Variants in WDR47 observed in about 807,000 individuals in gnomAD.
WDR47 encodes WD repeat-containing protein 47.
Under a neutral mutation model 97.2 loss-of-function variants are expected in WDR47, and 32 were observed. The ratio of observed to expected loss-of-function variants is 0.33; its 90% CI spans 0.25 to 0.44. The LOEUF (loss-of-function observed/expected upper bound fraction) is 0.44. Among genes scored for constraint, WDR47 ranks in the 20% least tolerant of loss-of-function variants. WDR47 has a pLI of 1.00. For synonymous variants in WDR47, 375 were observed against 373.5 expected, an observed-to-expected ratio of 1.00 and a Z score of -0.05; for missense variants, 782 against 1,102.3, an observed-to-expected ratio of 0.71 and a Z score of 4.11.
chr1:109,025,756 A>C (rs1369283213), intron 1 of WDR47, among the ~76,000 whole-genome samples: 1 of 152,036 alleles, frequency 6.6e-6, no homozygotes, highest in African/African-American at 2.4e-5. Flanking sequence ...AAAAACTAAC[A>C]AATAAAAAAA....
At chr1:109,040,228 A>AAAG (rs1183391204) in intron 1 of WDR47, among the ~76,000 whole-genome samples, 5 of 152,132 alleles carry the variant, frequency 3.3e-5, no homozygotes, top group African/African-American at 1.2e-4. Flanking sequence ...AGGTAATCTG[A>AAAG]TTTTTCAGCT....
intron 1 of WDR47, among the ~76,000 whole-genome samples, chr1:109,034,494 G>C (rs900508007): frequency 7.9e-5 from 12 of 152,160 alleles, no homozygotes; most frequent in African/African-American, 2.7e-4. Context: ...CAACCCCCAG[G>C]ACACAGACCA....
At chr1:108,995,892 A>G in intron 7 of WDR47, 55 bp from the exon 8 acceptor site, 1 of 1,549,880 alleles carries the variant, frequency 6.5e-7, no homozygotes, top group Middle Eastern at 1.7e-4. Flanking sequence ...TGCATTCCTA[A>G]TATATACAAG....
chr1:109,032,895 C>CAAAAAA (rs1048806214), intron 1 of WDR47, among the ~76,000 whole-genome samples: 4 of 137,506 alleles, frequency 2.9e-5, no homozygotes, highest in African/African-American at 1.1e-4. Flanking sequence ...ACACTCTGTC[C>CAAAAAA]AAAAAAAAAA....
At chr1:109,020,246 T>C (rs1412059247) in intron 2 of WDR47, among the ~76,000 whole-genome samples, 1 of 151,604 alleles carries the variant, frequency 6.6e-6, no homozygotes, top group Non-Finnish European at 1.5e-5. Context: ...TTTTTTTTTT[T>C]TTTTTTTTGA....
chr1:108,976,877 G>C (rs191331499), intron 13 of WDR47, among the ~76,000 whole-genome samples: 1 of 152,302 alleles, frequency 6.6e-6, no homozygotes, highest in Non-Finnish European at 1.5e-5. Flanking sequence ...AGTGATCTGA[G>C]GTGAGACTAG....
chr1:108,975,576 G>A (rs1256348932), intron 13 of WDR47, among the ~76,000 whole-genome samples: 1 of 151,456 alleles, frequency 6.6e-6, no homozygotes, highest in Non-Finnish European at 1.5e-5. Flanking sequence ...AGCTGAGATT[G>A]CGCCACTGCA....
intron 5 of WDR47, among the ~76,000 whole-genome samples, chr1:109,005,253 T>C (rs1433646002): frequency 1.3e-5 from 2 of 151,820 alleles, no homozygotes; most frequent in African/African-American, 2.4e-5. Context: ...TAAAATAAAA[T>C]AAAATAAAAA....
intron 1 of WDR47, among the ~76,000 whole-genome samples, chr1:109,028,449 C>CAAT (rs1199738792): frequency 4.3e-5 from 6 of 138,458 alleles, no homozygotes; most frequent in African/African-American, 1.6e-4. Context: ...TGAGCTCAAG[C>CAAT]AATCCACCCG....
rs780018674 is a variant in WDR47 at position 109,006,516 on chromosome 1, A to G, written c.1131-1801T>C. Among the ~76,000 whole-genome samples the G allele has an allele frequency of 3.9e-4, 59 of 152,246 alleles. 1 individual carries two copies. Among genetic ancestry groups the G allele is most frequent in the Non-Finnish European group, 8.8e-5 (6 of 68,044 alleles). ...GTAAGAGCTATTAACTGTATAAAGAATAAAATAACCTTCAAAAAGTAACAT... is the reference window on the plus strand; with the variant it reads ...GTAAGAGCTATTAACTGTATAAAGAGTAAAATAACCTTCAAAAAGTAACAT... On this transcript the variant is annotated intron_variant, in intron 5 of 14. Coordinates refer to ENST00000369962, the MANE Select transcript of WDR47 (RefSeq NM_001142551.2).
At chr1:108,984,488 A>G (rs543699896) in intron 10 of WDR47, among the ~76,000 whole-genome samples, 1 of 152,356 alleles carries the variant, frequency 6.6e-6, no homozygotes, top group Non-Finnish European at 1.5e-5. Context: ...ATTTCAGCAT[A>G]CTAGTCTACT....
At chr1:108,986,093 A>T (rs964751327) in intron 10 of WDR47, among the ~76,000 whole-genome samples, 5 of 152,172 alleles carry the variant, frequency 3.3e-5, no homozygotes, top group African/African-American at 1.2e-4. Context: ...TAAATTACAT[A>T]CATAATTTAT....
intron 8 of WDR47, chr1:108,992,239 T>C: frequency 2.4e-6 from 2 of 850,400 alleles, no homozygotes; most frequent in African/African-American, 1.7e-5. Flanking sequence ...AATATGATGG[T>C]AGAAAAAAGT....
chr1:108,972,702 GA>G (rs914006574), intron 14 of WDR47, among the ~76,000 whole-genome samples: 3 of 152,186 alleles, frequency 2.0e-5, no homozygotes, highest in African/African-American at 7.2e-5. Context: ...AGCACTTTGG[GA>G]GGCCAAGGCA....
rs565287801 is a variant in WDR47 at position 109,038,479 on chromosome 1, C to A, written c.-10+3383G>T. Among the ~76,000 whole-genome samples, 33 of 151,134 alleles carry A rather than the reference C, an allele frequency of 2.2e-4. No individual in the cohort carries two copies. The South Asian group carries it at 5.5e-3, about 25-fold the overall frequency. On this transcript the variant is annotated intron_variant, in intron 1 of 14. Coordinates refer to ENST00000369962, the MANE Select transcript of WDR47 (RefSeq NM_001142551.2). The stretch of plus-strand genomic sequence containing the variant: ...AGGTCACTTGAGTCTAGGAGTTCAA[C>A]ACCAGCCTGGGCAACATGGCAAAAC...
At chr1:109,014,839 T>C (rs1661302541) in intron 3 of WDR47, among the ~76,000 whole-genome samples, 1 of 152,150 alleles carries the variant, frequency 6.6e-6, no homozygotes, top group Non-Finnish European at 1.5e-5. Context: ...AAGCAATTTA[T>C]AGAAAAAGTG....
chr1:109,008,903 C>A (rs113516161), intron 5 of WDR47, among the ~76,000 whole-genome samples: 4,292 of 152,214 alleles, frequency 0.028, 94 homozygotes, highest in Non-Finnish European at 0.042. Context: ...CCACCGCACC[C>A]AGTTCACCTG....
chr1:109,004,329 G>C (rs184955183), intron 6 of WDR47, among the ~76,000 whole-genome samples: 2 of 151,562 alleles, frequency 1.3e-5, no homozygotes, highest in East Asian at 3.9e-4. Context: ...GAGTCGCAAA[G>C]CATGTAAAAC....
chr1:109,013,854 T>A lies in WDR47; in HGVS notation c.314A>T (p.Asp105Val). The change falls in exon 4 of 15, where the codon GAT (aspartate) becomes GTT (valine). Residue 105 changes from aspartate to valine, a missense_variant. Coordinates refer to ENST00000369962, the MANE Select transcript of WDR47 (RefSeq NM_001142551.2). The stretch of plus-strand genomic sequence containing the variant: ...TAAAAATCTTACATGCTGGGGCTCA[T>A]CTTCTGCTGACATCGCGTTGTTAAC... The part of the protein sequence containing the change: ...LCVNNAMSAE[D>V]EPQHLEFTMQ... The A allele has an allele frequency of 6.2e-7, 1 of 1,613,732 alleles. No homozygotes were observed. The highest frequency in any genetic ancestry group is 2.2e-5 in the East Asian group (1 of 44,858).
Sources: gnomAD v4.1 joint callset for allele counts (sites outside exome capture counted in the v4.1 genomes callset) on GRCh38, gnomAD v4.1.1 for gene constraint, MANE v1.5 for transcripts, NCBI Gene and HGNC (gene_info 2026-07-23, HGNC 2026-07-21) for gene names.